TRAK1: variants seen among roughly 807,000 people sequenced by gnomAD.
TRAK1 encodes trafficking kinesin protein 1.
TRAK1 carries 33 observed loss-of-function variants against 92.1 expected under a neutral mutation model. That is an observed-to-expected ratio of 0.36 (90% CI 0.27 to 0.48). The LOEUF is 0.48. TRAK1 is among the 20% of genes least tolerant of loss of function. The probability of loss-of-function intolerance (pLI) is 0.99; values close to 1 mark genes in which losing one functional copy is unlikely to be tolerated. For synonymous variants in TRAK1, 521 were observed against 517.3 expected (o/e 1.01, Z -0.10); for missense variants, 1,123 against 1,257.9 (o/e 0.89, Z 1.62).
intron 1 of TRAK1, among the ~76,000 whole-genome samples, chr3:42,100,088 A>G (rs1026953382): frequency 3.3e-5 from 5 of 152,226 alleles, no homozygotes; most frequent in African/African-American, 1.2e-4. Flanking sequence ...GGTTAGGACC[A>G]GTGGCTCACA....
At chr3:42,137,707 T>G (rs1248407781) in intron 2 of TRAK1, among the ~76,000 whole-genome samples, 3 of 152,194 alleles carry the variant, frequency 2.0e-5, no homozygotes, top group Non-Finnish European at 4.4e-5. Context: ...GTAGTTGATA[T>G]CTCTGTGTGG....
rs746195186 is a variant in TRAK1 at position 42,125,601 on chromosome 3, G to A, written c.273G>A (p.Thr91=). The change falls in exon 2 of 16, where the codon ACG becomes ACA. Residue 91 remains threonine (T), a synonymous_variant. Coordinates refer to ENST00000327628, the MANE Select transcript of TRAK1 (RefSeq NM_001042646.3). ...IDLTTEQIEE[T]LKYFLLCAER... Reference sequence around the variant, plus strand: ...TCACAACCGAGCAAATTGAAGAGACGTTAAAATACTTCCGTAAGTAGTTGT... The same window carrying A: ...TCACAACCGAGCAAATTGAAGAGACATTAAAATACTTCCGTAAGTAGTTGT... 5.0e-6 allele frequency: 8 copies of A among 1,613,994 alleles called. No individual in the cohort carries two copies. The highest frequency in any genetic ancestry group is 3.3e-5 in the South Asian group (3 of 91,066).
chr3:42,212,233 A>G (rs549141154), intron 14 of TRAK1: 1 of 985,396 alleles, frequency 1.0e-6, no homozygotes, highest in Non-Finnish European at 1.2e-6. Flanking sequence ...TGGGATTTGT[A>G]TCCATGGTGG....
At chr3:42,169,313 A>G (rs141836771) in intron 2 of TRAK1, among the ~76,000 whole-genome samples, 6 of 152,260 alleles carry the variant, frequency 3.9e-5, no homozygotes, top group East Asian at 3.9e-4. Context: ...TTATGACTCA[A>G]TATTCCATTG....
intron 1 of TRAK1, among the ~76,000 whole-genome samples, chr3:42,110,089 T>TAGTATGTATATATATATA (rs1708146169): frequency 9.6e-6 from 1 of 103,760 alleles, no homozygotes; most frequent in Non-Finnish European, 1.9e-5. Context: ...ACCCTAGAAC[T>TAGTATGTATATATATATA]TAAAGTATAT....
intron 1 of TRAK1, among the ~76,000 whole-genome samples, chr3:42,030,993 C>T (rs1290940693): frequency 1.3e-5 from 2 of 150,674 alleles, no homozygotes; most frequent in Non-Finnish European, 2.9e-5. Flanking sequence ...ACAATGTGCT[C>T]AGAGCACAGT....
At chr3:42,070,246 A>AT (rs1380030109) in intron 1 of TRAK1, among the ~76,000 whole-genome samples, 1 of 145,188 alleles carries the variant, frequency 6.9e-6, no homozygotes, top group African/African-American at 2.6e-5. Context: ...ATGAATAATA[A>AT]TAATTATTAT....
At chr3:42,033,461 C>T (rs1036491092) in intron 1 of TRAK1, among the ~76,000 whole-genome samples, 3 of 152,118 alleles carry the variant, frequency 2.0e-5, no homozygotes, top group Non-Finnish European at 2.9e-5. Context: ...TGGTGGCACA[C>T]GCCTGTGGTC....
rs73062444 is a variant in TRAK1 at position 42,079,267 on chromosome 3, C to T, written c.-518-7837C>T. 9.9e-3 allele frequency among the ~76,000 whole-genome samples: 1,501 copies of T among 152,268 alleles called. 12 individuals are homozygous for T. Among genetic ancestry groups the T allele is most frequent in the Non-Finnish European group, 0.016 (1,111 of 68,018 alleles). ...AAAACTTTTGCCATACTTGGACCTG[C>T]TTGTTTAGAATTGCTGAGTAAAATC... On this transcript the variant is annotated intron_variant, in intron 1 of 16. Coordinates refer to the TRAK1 transcript ENST00000487159.
intron 1 of TRAK1, among the ~76,000 whole-genome samples, chr3:42,060,216 ATAT>A (rs1703371232): frequency 6.6e-6 from 1 of 152,006 alleles, no homozygotes; most frequent in African/African-American, 2.4e-5. Context: ...ACAAATGAGT[ATAT>A]TGTAGTGTAT....
intron 2 of TRAK1, among the ~76,000 whole-genome samples, chr3:42,172,208 G>T (rs1479706905): frequency 6.6e-6 from 1 of 152,216 alleles, no homozygotes; most frequent in Non-Finnish European, 1.5e-5. Flanking sequence ...ACTGTGGGTT[G>T]TGGGCAGCCC....
chr3:42,175,060 C>A (rs1404811051), intron 2 of TRAK1, among the ~76,000 whole-genome samples: 1 of 151,936 alleles, frequency 6.6e-6, no homozygotes, highest in African/African-American at 2.4e-5. Context: ...AAAAGGTAGC[C>A]CAGTTTTCTT....
At chr3:42,221,908 C>A (rs1399838077) in intron 15 of TRAK1, 1 of 152,016 alleles carries the variant, frequency 6.6e-6, no homozygotes, top group South Asian at 2.1e-4. Context: ...CCCAATACCC[C>A]GCCGTGACGA....
chr3:42,163,528 A>T (rs915678378), intron 2 of TRAK1, among the ~76,000 whole-genome samples: 1 of 151,690 alleles, frequency 6.6e-6, no homozygotes, highest in Non-Finnish European at 1.5e-5. Context: ...AGATCGCGCC[A>T]CTGCACTCCA....
intron 1 of TRAK1, among the ~76,000 whole-genome samples, chr3:42,048,050 C>G (rs1010164815): frequency 2.6e-5 from 4 of 151,822 alleles, no homozygotes; most frequent in African/African-American, 9.7e-5. Context: ...TGCCAGCTTC[C>G]TTAGTAACCC....
In TRAK1 at chr3:42,201,038, G is replaced by A; in HGVS notation, c.1411G>A (p.Glu471Lys). The change falls in exon 12 of 16, where the codon GAG becomes AAG. Residue 471 changes from glutamate (E) to lysine (K), a missense_variant. Glu to Lys is a moderately conservative substitution (Grantham distance 56, BLOSUM62 1). Transcript: ENST00000327628. ...NKTNSIILET[E>K]AADLGNDERS... ...GACCAACAGCATCATTCTGGAAACA[G>A]AGGCAGCCGACCTGGGGTGAGCAAG... The A allele has an allele frequency of 6.2e-7, 1 of 1,614,222 alleles. No homozygotes were observed. The highest frequency in any genetic ancestry group is 8.5e-7 in the Non-Finnish European group (1 of 1,180,032).
intron 10 of TRAK1, 66 bp downstream of exon 10, chr3:42,195,007 A>G: frequency 6.3e-7 from 1 of 1,579,934 alleles, no homozygotes; most frequent in African/African-American, 1.3e-5. Flanking sequence ...ACAGTGTCTG[A>G]CATTCTGGCC....
chr3:42,204,696 C>T (rs1481429265), intron 13 of TRAK1, among the ~76,000 whole-genome samples: 4 of 152,156 alleles, frequency 2.6e-5, no homozygotes, highest in Non-Finnish European at 2.9e-5. Context: ...GCAATCCTCC[C>T]GCCTCAGCTT....
At chr3:42,206,376 A>G (rs1039862805) in intron 13 of TRAK1, among the ~76,000 whole-genome samples, 8 of 152,222 alleles carry the variant, frequency 5.3e-5, no homozygotes, top group African/African-American at 1.9e-4. Flanking sequence ...ATGAGAATCT[A>G]GAAAGCCATT....
Sources: gnomAD v4.1 joint callset for allele counts (sites outside exome capture counted in the v4.1 genomes callset) on GRCh38, gnomAD v4.1.1 for gene constraint, MANE v1.5 for transcripts, NCBI Gene and HGNC (gene_info 2026-07-23, HGNC 2026-07-21) for gene names.